NCOR2: variants seen among roughly 807,000 people sequenced by gnomAD.
The protein encoded by NCOR2 is CTG repeat protein 26.
Under a neutral mutation model 262.9 loss-of-function variants are expected in NCOR2, and 81 were observed. The ratio of observed to expected loss-of-function variants is 0.31; its 90% CI spans 0.26 to 0.37. The LOEUF (loss-of-function observed/expected upper bound fraction) is 0.37, where lower values mean the gene tolerates loss of function less well. Among genes scored for constraint, NCOR2 ranks in the 10% least tolerant of loss-of-function variants. NCOR2 has a pLI of 1.00. For synonymous variants in NCOR2, 1,659 were observed against 1,559.3 expected (o/e 1.06, Z -1.51); for missense variants, 3,385 against 3,621.4 (o/e 0.93, Z 1.68).
At chr12:124,484,831 AG>A (rs1358137233) in intron 2 of NCOR2, among the ~76,000 whole-genome samples, 1 of 152,218 alleles carries the variant, frequency 6.6e-6, no homozygotes, top group Non-Finnish European at 1.5e-5. Flanking sequence ...GAATGAACGC[AG>A]GGTGGTTCAC....
Position 124,454,120 on chromosome 12 carries a change from T to C in NCOR2, c.762+2986A>G, listed in dbSNP as rs1223870804. ...GAGGATGCCTGTGGCCACTCGGGCC[T>C]GGCAGATCTGTGCAGAACTGGCCGG... On this transcript the variant is annotated intron_variant, in intron 6 of 46. Coordinates refer to ENST00000405201, the Ensembl canonical transcript of NCOR2. This position sits in a 1 kb window ranked among gnomAD's most constrained non-coding sequence, Gnocchi z 5.6. Among the ~76,000 whole-genome samples, 1 of 152,178 alleles carries C rather than the reference T, an allele frequency of 6.6e-6. No individual in the cohort carries two copies. The highest frequency in any genetic ancestry group is 2.4e-5 in the African/African-American group (1 of 41,444).
intron 1 of NCOR2, chr12:124,542,763 A>G (rs897070073): frequency 2.0e-5 from 3 of 152,326 alleles, no homozygotes; most frequent in African/African-American, 7.2e-5. Context: ...TCCACCGGAT[A>G]CATCTTCCCA....
rs117807532 is a variant in NCOR2, at chr12:124,482,687, G to A, written c.411+909C>T. On this transcript the variant is annotated intron_variant, in intron 3 of 46. Transcript: ENST00000405201. The surrounding 1 kb of genome is among the most constrained non-coding windows in gnomAD (Gnocchi z 6.3). ...CTGGGTCACCTGAGGGCAGATGGACGGAGGGCCCTGGGATAAGTGAGTGTG... is the reference window on the plus strand; with the variant it reads ...CTGGGTCACCTGAGGGCAGATGGACAGAGGGCCCTGGGATAAGTGAGTGTG... Among the ~76,000 whole-genome samples the A allele has an allele frequency of 7.6e-3, 1,158 of 152,288 alleles. 12 individuals carry two copies. Among genetic ancestry groups the A allele is most frequent in the Middle Eastern group, 0.051 (15 of 294 alleles).
chr12:124,563,879 C>T (rs1017937933), intron 1 of NCOR2, among the ~76,000 whole-genome samples: 1 of 152,230 alleles, frequency 6.6e-6, no homozygotes, highest in Non-Finnish European at 1.5e-5. Flanking sequence ...CTTTGCAAAG[C>T]AGGTCTGCAG....
At chr12:124,349,514 C>T (rs1200653937) in intron 28 of NCOR2, among the ~76,000 whole-genome samples, 1 of 152,174 alleles carries the variant, frequency 6.6e-6, no homozygotes, top group East Asian at 1.9e-4. Context: ...GATGAGAAAC[C>T]TGGCTGACCG....
At chr12:124,427,154 C>CG (rs1281867819) in intron 10 of NCOR2, among the ~76,000 whole-genome samples, 1 of 152,164 alleles carries the variant, frequency 6.6e-6, no homozygotes, top group Non-Finnish European at 1.5e-5. Context: ...CCAGGGAGCC[C>CG]GGGAGACAGG....
At chr12:124,532,593 G>T (rs1363395264) in intron 1 of NCOR2, among the ~76,000 whole-genome samples, 2 of 152,210 alleles carry the variant, frequency 1.3e-5, no homozygotes, top group African/African-American at 4.8e-5. Flanking sequence ...CGCCCCGGCA[G>T]AGGAAGCTAA....
upstream of NCOR2, chr12:124,538,606 G>C (rs992456467): frequency 1.3e-5 from 2 of 152,876 alleles, no homozygotes; most frequent in Admixed American, 1.3e-4. Flanking sequence ...CTCCAAAGTG[G>C]AGATGCATCT....
chr12:124,472,348 C>T (rs919697815), intron 4 of NCOR2, among the ~76,000 whole-genome samples: 13 of 152,144 alleles, frequency 8.5e-5, no homozygotes, highest in Non-Finnish European at 1.0e-4. Context: ...TTTTTAATCT[C>T]GGGATCTTGC....
chr12:124,426,969 T>A (rs1414537468), intron 10 of NCOR2, among the ~76,000 whole-genome samples, 169 bp from the exon 13 acceptor site: 2 of 152,168 alleles, frequency 1.3e-5, no homozygotes. Flanking sequence ...TAGCTCATGC[T>A]GGGGGAAGGG....
intron 37 of NCOR2, among the ~76,000 whole-genome samples, chr12:124,339,336 T>TCC (rs1289115441): frequency 0.013 from 1,705 of 132,520 alleles, 25 homozygotes; most frequent in Middle Eastern, 0.031. Context: ...TCCATCCATC[T>TCC]GGCTAACTCA....
chr12:124,545,892 G>C (rs966415918), intron 1 of NCOR2, among the ~76,000 whole-genome samples: 1 of 152,210 alleles, frequency 6.6e-6, no homozygotes, highest in Non-Finnish European at 1.5e-5. Context: ...CACACAGGCA[G>C]AGCTGTGAAC....
intron 1 of NCOR2, among the ~76,000 whole-genome samples, chr12:124,560,810 G>A (rs1302098342): frequency 6.6e-6 from 1 of 152,106 alleles, no homozygotes; most frequent in Non-Finnish European, 1.5e-5. Context: ...ACAAGTCAAT[G>A]CATTTTCTTT....
chr12:124,325,121 C>T (rs926003637), exon 47 of NCOR2: 16 of 285,242 alleles, frequency 5.6e-5, no homozygotes, highest in Non-Finnish European at 7.2e-5. Context: ...GGCTGCCACA[C>T]GCCTGCCGTG....
intron 1 of NCOR2, among the ~76,000 whole-genome samples, chr12:124,491,801 G>T (rs544799024): frequency 1.3e-5 from 2 of 152,300 alleles, no homozygotes; most frequent in South Asian, 4.1e-4. Flanking sequence ...CTCAACCCTG[G>T]AGACCCTCGC....
At chr12:124,346,575 A>T (rs1436062538) in exon 31 of NCOR2, 4 of 1,557,728 alleles carry the variant, frequency 2.6e-6, no homozygotes, top group Non-Finnish European at 3.5e-6. Flanking sequence ...TGCGTGATGG[A>T]GCCCTCCTTG....
intron 1 of NCOR2, among the ~76,000 whole-genome samples, chr12:124,518,765 C>T (rs887007021): frequency 1.3e-4 from 20 of 152,330 alleles, no homozygotes; most frequent in African/African-American, 2.9e-4. Flanking sequence ...CGCTGGCAGG[C>T]GAAAGAGAGC....
chr12:124,400,934 C>T (rs1348586376), intron 14 of NCOR2, among the ~76,000 whole-genome samples: 1 of 152,116 alleles, frequency 6.6e-6, no homozygotes, highest in Non-Finnish European at 1.5e-5. Flanking sequence ...GCCAGGTGTG[C>T]TGGGTCACAC....
In NCOR2 at chr12:124,566,426, C is replaced by T. The variant is rs1454194751; in HGVS notation, c.-165+882G>A. Among the ~76,000 whole-genome samples the T allele has an allele frequency of 6.6e-6, 1 of 152,200 alleles. No homozygotes were observed. Among genetic ancestry groups the T allele is most frequent in the Non-Finnish European group, 1.5e-5 (1 of 68,026 alleles). ...AGCAGCTCCCAGGTACAGCCTGTCTCTCCCTCCCGCCCGCCGTGCCCTCCC... is the reference window on the plus strand; with the variant it reads ...AGCAGCTCCCAGGTACAGCCTGTCTTTCCCTCCCGCCCGCCGTGCCCTCCC... On this transcript the variant is annotated intron_variant, in intron 1 of 32. Transcript: ENST00000458234. This position sits in a 1 kb window ranked among gnomAD's most constrained non-coding sequence, Gnocchi z 4.3.
Sources: allele counts gnomAD v4.1 joint callset (sites outside exome capture counted in the v4.1 genomes callset), GRCh38; gene constraint gnomAD v4.1.1; non-coding constraint Gnocchi (gnomAD v3.1); transcripts MANE v1.5; gene names NCBI Gene and HGNC (gene_info 2026-07-23, HGNC 2026-07-21).